The following STARD9 variants were observed in gnomAD, a reference collection of about 807,000 sequenced individuals.
STARD9 encodes stAR-related lipid transfer protein 9.
A neutral mutation model predicts 399.8 loss-of-function variants in STARD9; 346 were observed. That is an observed-to-expected ratio of 0.87 (90% CI 0.79 to 0.95). The LOEUF is 0.95. Ranked by LOEUF, STARD9 falls within the 40% of genes least tolerant of loss-of-function variation. STARD9 has a pLI of 0.00. For missense variants in STARD9, 5,832 were observed against 5,667.5 expected (o/e 1.03, Z -0.93); for synonymous variants, 2,203 against 2,143.5 (o/e 1.03, Z -0.77).
intron 26 of STARD9, 150 bp downstream of exon 26, chr15:42,696,030 G>C (rs1335096221): frequency 1.3e-6 from 1 of 751,650 alleles, no homozygotes; most frequent in Non-Finnish European, 2.1e-6. Context: ...GCAGGCCTTT[G>C]GTTTTCCATT....
chr15:42,680,856 G>T (rs568164486), intron 20 of STARD9, among the ~76,000 whole-genome samples: 1 of 152,206 alleles, frequency 6.6e-6, no homozygotes, highest in Admixed American at 6.5e-5. Context: ...AACAGCTCTG[G>T]AGTGGAGACC....
chr15:42,674,715 T>C, intron 17 of STARD9, 112 bp from the exon 18 acceptor site: 3 of 1,408,144 alleles, frequency 2.1e-6, no homozygotes, highest in Non-Finnish European at 2.8e-6. Context: ...TCTTCCTCTT[T>C]TATTATGGTA....
chr15:42,620,295 T>C (rs1336999987), intron 3 of STARD9, among the ~76,000 whole-genome samples: 2 of 152,024 alleles, frequency 1.3e-5, no homozygotes, highest in East Asian at 3.9e-4. Flanking sequence ...GATTTTTTTT[T>C]TTTTCCGAGA....
At chr15:42,674,578 G>T in intron 17 of STARD9, 87 bp downstream of exon 17, 1 of 1,327,258 alleles carries the variant, frequency 7.5e-7, no homozygotes, top group South Asian at 1.3e-5. Context: ...GATGCTCTGA[G>T]AAGAAGGGAA....
In STARD9 at chr15:42,720,447, A is replaced by T. The variant is rs1324344872; in HGVS notation, c.*873A>T. 1.3e-5 allele frequency: 2 copies of T among 152,256 alleles called. No homozygotes were observed. The highest frequency in any genetic ancestry group is 4.8e-5 in the African/African-American group (2 of 41,418). 9.4% of individuals were successfully genotyped at this position (152,256 alleles called of 1,614,324 possible). On this transcript the variant is annotated 3_prime_UTR_variant, in exon 33 of 33. Coordinates refer to ENST00000290607, the MANE Select transcript of STARD9 (RefSeq NM_020759.3). The stretch of plus-strand genomic sequence containing the variant: ...GAGGAGGTGAATGAACTCCCAGAGG[A>T]GGTGAGTGGCTTGTTGGGAGGAAGC...
At chr15:42,653,652 A>G (rs2059808252) in intron 9 of STARD9, among the ~76,000 whole-genome samples, 1 of 152,200 alleles carries the variant, frequency 6.6e-6, no homozygotes, top group South Asian at 2.1e-4. Context: ...GAACATTCCC[A>G]GATTGGAAAA....
At chr15:42,718,357 A>G in intron 30 of STARD9, 78 bp from the exon 31 acceptor site, 2 of 1,309,178 alleles carry the variant, frequency 1.5e-6, no homozygotes, top group Non-Finnish European at 2.1e-6. Context: ...TGTTGGGGGG[A>G]GGGCTCCCTG....
At chr15:42,616,784 G>A (rs952426933) in intron 3 of STARD9, among the ~76,000 whole-genome samples, 8 of 151,460 alleles carry the variant, frequency 5.3e-5, no homozygotes, top group African/African-American at 1.2e-4. Flanking sequence ...CCAGCTACTC[G>A]GGAGGCTGAG....
In STARD9 at chr15:42,665,344, CAG is replaced by C. The variant is rs1238996833; in HGVS notation, c.1254+16_1254+17del. The C allele has an allele frequency of 6.5e-7, 1 of 1,532,512 alleles. No individual in the cohort carries two copies. The highest frequency in any genetic ancestry group is 2.4e-5 in the East Asian group (1 of 40,878). 94.9% of individuals were successfully genotyped at this position (1,532,512 alleles called of 1,614,324 possible). On this transcript the variant is annotated intron_variant, in intron 14 of 32. Coordinates refer to ENST00000290607, the MANE Select transcript of STARD9 (RefSeq NM_020759.3). ...AGCTTTGAACTGGTATGCAGACAGT[CAG>C]AACCTTTCCGTACTTAAGTGAAATT...
intron 3 of STARD9, among the ~76,000 whole-genome samples, chr15:42,625,928 A>G (rs1027707349): frequency 2.6e-5 from 4 of 151,666 alleles, no homozygotes; most frequent in African/African-American, 9.7e-5. Context: ...TATTTTATTT[A>G]TTTATCTTTT....
In STARD9 at chr15:42,718,846, C is replaced by T. The variant is rs2061399294; in HGVS notation, c.13937C>T (p.Ala4646Val). ...GTTCGCGGGGAGATCCTGCCCAGTGCCTGGATCTTGCAGCCCATCACTGTG... is the reference window on the plus strand; with the variant it reads ...GTTCGCGGGGAGATCCTGCCCAGTGTCTGGATCTTGCAGCCCATCACTGTG... ...KMVRGEILPS[A>V]WILQPITVEG... Residue 4646 changes from alanine (A) to valine (V), a missense_variant, in exon 32 of 33, where the codon GCC (alanine) becomes GTC (valine). Coordinates refer to ENST00000290607, the MANE Select transcript of STARD9 (RefSeq NM_020759.3). 1.3e-6 allele frequency: 2 copies of T among 1,536,914 alleles called. No homozygotes were observed. The highest frequency in any genetic ancestry group is 1.7e-6 in the Non-Finnish European group (2 of 1,146,716).
chr15:42,594,078 TGA>T (rs1418848960), intron 3 of STARD9, among the ~76,000 whole-genome samples: 1 of 151,656 alleles, frequency 6.6e-6, no homozygotes, highest in Non-Finnish European at 1.5e-5. Context: ...AGTGAGCAAG[TGA>T]GAGTGAGAGA....
intron 3 of STARD9, among the ~76,000 whole-genome samples, chr15:42,632,570 T>A (rs1460380321): frequency 1.3e-5 from 2 of 152,250 alleles, no homozygotes; most frequent in Admixed American, 1.3e-4. Flanking sequence ...TGTTTTAATT[T>A]CTTTTTATTT....
intron 11 of STARD9, 54 bp downstream of exon 11, chr15:42,662,945 G>A: frequency 7.7e-7 from 1 of 1,301,488 alleles, no homozygotes; most frequent in Non-Finnish European, 1.1e-6. Flanking sequence ...AATAACTCAT[G>A]TTTTCATTTT....
At chr15:42,697,136 G>A (rs958232297) in intron 26 of STARD9, among the ~76,000 whole-genome samples, 12 of 152,152 alleles carry the variant, frequency 7.9e-5, no homozygotes, top group African/African-American at 2.2e-4. Context: ...TATTTCCAGG[G>A]ATGATGTATA....
chr15:42,655,768 A>G (rs1384037860), intron 9 of STARD9, among the ~76,000 whole-genome samples: 1 of 152,230 alleles, frequency 6.6e-6, no homozygotes, highest in Non-Finnish European at 1.5e-5. Flanking sequence ...TCTTCTGCAC[A>G]GCAAAAGAAA....
intron 7 of STARD9, among the ~76,000 whole-genome samples, chr15:42,648,393 C>T (rs2059687840): frequency 6.6e-6 from 1 of 152,126 alleles, no homozygotes; most frequent in Non-Finnish European, 1.5e-5. Context: ...GAACTCCTGA[C>T]CGAAAGTAAT....
intron 3 of STARD9, among the ~76,000 whole-genome samples, chr15:42,591,050 AGTTT>A (rs1211230180): frequency 7.2e-5 from 11 of 152,148 alleles, no homozygotes; most frequent in Admixed American, 6.5e-4. Context: ...TCTAGGCCAG[AGTTT>A]GTTGACCTCA....
intron 9 of STARD9, among the ~76,000 whole-genome samples, chr15:42,655,786 C>T (rs1254167003): frequency 2.0e-5 from 3 of 152,130 alleles, no homozygotes; most frequent in African/African-American, 4.8e-5. Flanking sequence ...AAATAATCAG[C>T]AAACAGCCCA....
Sources: gnomAD v4.1 joint callset for allele counts (sites outside exome capture counted in the v4.1 genomes callset) on GRCh38, gnomAD v4.1.1 for gene constraint, MANE v1.5 for transcripts, NCBI Gene and HGNC (gene_info 2026-07-23, HGNC 2026-07-21) for gene names.